Variants in FRAS1 observed in about 807,000 individuals in gnomAD.
FRAS1 encodes Fraser extracellular matrix complex subunit 1, also known as extracellular matrix organizing protein FRAS1.
Under a neutral mutation model 435.2 loss-of-function variants are expected in FRAS1, and 290 were observed. The ratio of observed to expected loss-of-function variants is 0.67; its 90% confidence interval spans 0.61 to 0.73. The LOEUF (loss-of-function observed/expected upper bound fraction) is 0.73. Ranked by LOEUF, FRAS1 falls within the 30% of genes least tolerant of loss-of-function variation. FRAS1 has a pLI of 0.00. For missense variants in FRAS1, 4,860 were observed against 5,001.5 expected (o/e 0.97, Z 0.85); for synonymous variants, 1,800 against 1,851.0 (o/e 0.97, Z 0.71).
intron 2 of FRAS1, among the ~76,000 whole-genome samples, chr4:78,104,404 G>A (rs959311921): frequency 7.2e-5 from 11 of 152,158 alleles, no homozygotes; most frequent in African/African-American, 2.7e-4. Flanking sequence ...GTGGGGAAGA[G>A]GGAGATCTGA....
At chr4:78,495,157 A>G (rs575748585) in intron 59 of FRAS1, among the ~76,000 whole-genome samples, 1 of 151,854 alleles carries the variant, frequency 6.6e-6, no homozygotes, top group South Asian at 2.1e-4. Flanking sequence ...TTCTTATTTT[A>G]TTGTGTTATC....
intron 27 of FRAS1, among the ~76,000 whole-genome samples, chr4:78,382,137 G>C (rs1732046110): frequency 6.6e-6 from 1 of 152,046 alleles, no homozygotes; most frequent in African/African-American, 2.4e-5. Flanking sequence ...TGCCATCACT[G>C]GAACAAAATG....
intron 2 of FRAS1, among the ~76,000 whole-genome samples, chr4:78,113,097 G>C (rs911924477): frequency 2.6e-5 from 4 of 152,152 alleles, no homozygotes; most frequent in South Asian, 2.1e-4. Flanking sequence ...TCATCCTTGC[G>C]ATAGTTTGCT....
At chr4:78,501,855 G>A (rs1720692832) in intron 61 of FRAS1, among the ~76,000 whole-genome samples, 1 of 152,170 alleles carries the variant, frequency 6.6e-6, no homozygotes, top group Non-Finnish European at 1.5e-5. Flanking sequence ...ATAGTTTTAG[G>A]TCTAACATTT....
At chr4:78,064,927 A>C (rs1288755522) in intron 1 of FRAS1, among the ~76,000 whole-genome samples, 1 of 151,698 alleles carries the variant, frequency 6.6e-6, no homozygotes, top group Non-Finnish European at 1.5e-5. Flanking sequence ...TTGCAGACTC[A>C]GTTTCTGAGA....
chr4:78,334,400 C>G (rs1039003174), intron 19 of FRAS1, among the ~76,000 whole-genome samples: 3 of 100,116 alleles, frequency 3.0e-5, no homozygotes, highest in Non-Finnish European at 5.3e-5. Context: ...GAGACGGAGT[C>G]TTGCTCCGTC....
At position 78,511,374 on chromosome 4, in the gene FRAS1, T is replaced by C. The variant is rs774777031; in HGVS notation, c.9881T>C (p.Ile3294Thr). The change falls in exon 64 of 74, where the codon ATT becomes ACT. Residue 3294 changes from isoleucine to threonine, a missense_variant. By Grantham distance (89) the Ile-to-Thr change is moderately conservative. Coordinates refer to ENST00000512123, the MANE Select transcript of FRAS1 (RefSeq NM_025074.7). ...GTGGGGACCCCCTTAAGGAGCAACA[T>C]TGTTACCATTGGAACAGACAGTGCT... The part of the protein sequence containing the change: ...GHVGTPLRSN[I>T]VTIGTDSAIC... 4.3e-6 allele frequency: 7 copies of C among 1,613,944 alleles called. No homozygotes were observed. The highest frequency in any genetic ancestry group is 1.7e-5 in the Admixed American group (1 of 60,028).
intron 2 of FRAS1, among the ~76,000 whole-genome samples, chr4:78,104,157 A>T (rs1328850725): frequency 1.3e-5 from 2 of 152,212 alleles, no homozygotes; most frequent in East Asian, 3.8e-4. Context: ...TAACTTTGGC[A>T]CTCAACACAA....
chr4:78,407,590 T>C, intron 30 of FRAS1, 73 bp from the exon 31 acceptor site: 1 of 1,207,598 alleles, frequency 8.3e-7, no homozygotes, highest in Non-Finnish European at 1.2e-6. Context: ...AAAAAATGAG[T>C]AGTAGGAAAG....
At chr4:78,364,909 T>C (rs1356975097) in intron 22 of FRAS1, among the ~76,000 whole-genome samples, 1 of 152,300 alleles carries the variant, frequency 6.6e-6, no homozygotes, top group South Asian at 2.1e-4. Flanking sequence ...AGTCAGAGAA[T>C]TGAAGTTCAA....
chr4:78,515,479 A>C lies in FRAS1; in HGVS notation c.10175-320A>C, dbSNP rs149764149. 3.0e-4 allele frequency among the ~76,000 whole-genome samples: 45 copies of C among 152,326 alleles called. No homozygotes were observed. In the East Asian group the frequency reaches 8.3e-3, roughly 28 times the overall value. ...CACAGGACCAGACTTGCCAGGTATA[A>C]CAGGCAAAGCTTCAGAGAGTTTTCC... On this transcript the variant is annotated intron_variant, in intron 65 of 73. Transcript: ENST00000512123.
chr4:78,249,581 C>G (rs1725436791), intron 4 of FRAS1, among the ~76,000 whole-genome samples: 1 of 152,058 alleles, frequency 6.6e-6, no homozygotes, highest in South Asian at 2.1e-4. Flanking sequence ...CCTTGGCCTC[C>G]CAAAGTGCTG....
chr4:78,526,399 G>A (rs1035822820), intron 69 of FRAS1, 142 bp from the exon 70 acceptor site: 8 of 566,772 alleles, frequency 1.4e-5, no homozygotes, highest in African/African-American at 1.2e-4. Flanking sequence ...TCCCGAAAAT[G>A]GTGTTTGCAG....
intron 2 of FRAS1, among the ~76,000 whole-genome samples, chr4:78,194,383 A>C (rs970260719): frequency 1.3e-5 from 2 of 152,140 alleles, no homozygotes; most frequent in Non-Finnish European, 2.9e-5. Flanking sequence ...ACTTGGTTCC[A>C]TTCTCCCCGT....
chr4:78,071,996 C>T (rs1379835216), intron 2 of FRAS1: 6 of 151,516 alleles, frequency 4.0e-5, no homozygotes, highest in Admixed American at 3.3e-4. Context: ...TACAACACTA[C>T]TCTCTCCATA....
intron 36 of FRAS1, 141 bp from the exon 37 acceptor site, chr4:78,430,151 G>C (rs766685847): frequency 1.1e-6 from 1 of 941,474 alleles, no homozygotes; most frequent in African/African-American, 1.6e-5. Flanking sequence ...TTTTGTGCCT[G>C]ATTGGAATGA....
chr4:78,330,285 A>G (rs913431912), intron 18 of FRAS1, among the ~76,000 whole-genome samples: 4 of 152,188 alleles, frequency 2.6e-5, no homozygotes, highest in Admixed American at 6.5e-5. Flanking sequence ...TCTTTACTTT[A>G]ATCTCTTAAT....
chr4:78,068,468 TGGAGGATGGCAAGAGATAGGTCAG>T (rs1253938741), intron 2 of FRAS1: 5 of 455,080 alleles, frequency 1.1e-5, no homozygotes, highest in South Asian at 7.8e-5. Context: ...AGGCAGTGCA[TGGAGGATGGCAAGAGATAGGTCAG>T]GGAGGATGGC....
At chr4:78,503,554 G>A (rs1720742865) in intron 61 of FRAS1, among the ~76,000 whole-genome samples, 1 of 152,078 alleles carries the variant, frequency 6.6e-6, no homozygotes, top group African/African-American at 2.4e-5. Context: ...GGGATCGGTG[G>A]TGAGATCCCC....
Sources: gnomAD v4.1 joint callset for allele counts (sites outside exome capture counted in the v4.1 genomes callset) on GRCh38, gnomAD v4.1.1 for gene constraint, MANE v1.5 for transcripts, NCBI Gene and HGNC (gene_info 2026-07-23, HGNC 2026-07-21) for gene names.